ACSBG1: variants seen among roughly 807,000 people sequenced by gnomAD.
ACSBG1 encodes long-chain-fatty-acid--CoA ligase ACSBG1.
A neutral mutation model predicts 80.2 loss-of-function variants in ACSBG1; 39 were observed. The observed-to-expected ratio is 0.49, with a 90% CI of 0.38 to 0.64. The LOEUF (loss-of-function observed/expected upper bound fraction) is 0.64. Among genes scored for constraint, ACSBG1 ranks in the 30% least tolerant of loss-of-function variants. The pLI, the probability that ACSBG1 is intolerant of heterozygous loss-of-function variation, is 0.00. For synonymous variants in ACSBG1, 392 were observed against 379.5 expected (o/e 1.03, Z -0.38); for missense variants, 828 against 966.4 (o/e 0.86, Z 1.90).
intron 1 of ACSBG1, among the ~76,000 whole-genome samples, chr15:78,215,703 G>T (rs1008324094): frequency 1.9e-5 from 2 of 103,888 alleles, no homozygotes; most frequent in African/African-American, 4.0e-5. Flanking sequence ...AGAAAAAGAA[G>T]GAAAGAGAGA....
chr15:78,230,571 AC>A (rs2141395308), intron 1 of ACSBG1, among the ~76,000 whole-genome samples: 1 of 152,312 alleles, frequency 6.6e-6, no homozygotes, highest in Non-Finnish European at 1.5e-5. Context: ...CTGTGTCCCC[AC>A]CCAAATCTCA....
intron 1 of ACSBG1, among the ~76,000 whole-genome samples, chr15:78,230,239 C>T (rs1038889702): frequency 5.3e-5 from 8 of 152,204 alleles, no homozygotes; most frequent in Admixed American, 3.3e-4. Flanking sequence ...TCAGACCCCA[C>T]GGGTTTTGCC....
chr15:78,184,622 C>T (rs916964488), intron 5 of ACSBG1, among the ~76,000 whole-genome samples: 4 of 152,170 alleles, frequency 2.6e-5, no homozygotes, highest in Non-Finnish European at 5.9e-5. Flanking sequence ...GCTAAAACCT[C>T]ACAATATAAC....
chr15:78,234,409 G>A lies in ACSBG1; in HGVS notation c.93C>T (p.Asp31=). 1 of 1,612,910 alleles carries A rather than the reference G, an allele frequency of 6.2e-7. No individual in the cohort carries two copies. Among genetic ancestry groups the A allele is most frequent in the Non-Finnish European group, 8.5e-7 (1 of 1,180,034 alleles). The change falls in exon 1 of 14, where the codon GAC becomes GAT. Residue 31 remains aspartate, a synonymous_variant. Transcript: ENST00000258873. ...TTTCTTGGGTGGTCCTCACAATCAT[G>A]TCCTGCCGGCTCTCCTGTGGGGTCT... The part of the protein sequence containing the change: ...SRETPQESRQ[D]MIVRTTQEKL...
intron 1 of ACSBG1, among the ~76,000 whole-genome samples, chr15:78,216,476 G>A (rs572999746): frequency 2.0e-5 from 3 of 152,344 alleles, no homozygotes; most frequent in East Asian, 3.9e-4. Flanking sequence ...GGCATGGACT[G>A]TGGACCATCC....
intron 1 of ACSBG1, among the ~76,000 whole-genome samples, chr15:78,222,950 C>T (rs1381522788): frequency 1.3e-5 from 2 of 152,176 alleles, no homozygotes; most frequent in African/African-American, 4.8e-5. Context: ...GCTGAGGTGG[C>T]TTGAAATCTT....
At chr15:78,181,872 G>A in intron 8 of ACSBG1, 97 bp downstream of exon 8, 1 of 1,450,452 alleles carries the variant, frequency 6.9e-7, no homozygotes. Context: ...ACATGCACAG[G>A]AACAGCACAC....
At chr15:78,192,827 C>A (rs2075068221) in intron 5 of ACSBG1, among the ~76,000 whole-genome samples, 1 of 152,152 alleles carries the variant, frequency 6.6e-6, no homozygotes, top group Admixed American at 6.5e-5. Context: ...ACAAGTCAGT[C>A]TCTGAGGACT....
intron 5 of ACSBG1, among the ~76,000 whole-genome samples, chr15:78,189,703 AG>A: frequency 6.6e-6 from 1 of 152,076 alleles, no homozygotes; most frequent in African/African-American, 2.4e-5. Flanking sequence ...GGATAGCTTT[AG>A]GAGATAGACC....
At position 78,186,586 on chromosome 15, in the gene ACSBG1, C is replaced by T. The variant is rs1293126182; in HGVS notation, c.664-3801G>A. On this transcript the variant is annotated intron_variant, in intron 5 of 13. Coordinates refer to ENST00000258873, the MANE Select transcript of ACSBG1 (RefSeq NM_015162.5). ...TCCTGAATGACTACTGGGTACATAA[C>T]GAAACAAAGGCAGAAATAAAGATGT... Among the ~76,000 whole-genome samples, 18 of 152,184 alleles carry T rather than the reference C, an allele frequency of 1.2e-4. No individual in the cohort carries two copies. In the East Asian group the frequency reaches 1.5e-3, roughly 13 times the overall value.
At position 78,168,802 on chromosome 15, in the gene ACSBG1, C is replaced by T. The variant is rs1405664531; in HGVS notation, c.*2642G>A. The T allele has an allele frequency of 1.5e-6, 1 of 658,096 alleles. No homozygotes were observed. Among genetic ancestry groups the T allele is most frequent in the Admixed American group, 2.3e-5 (1 of 44,220 alleles). 40.8% of individuals were successfully genotyped at this position (658,096 alleles called of 1,614,324 possible). Reference sequence around the variant, plus strand: ...TGGTTCCTCACTTTGAAATGAGGAACTAAATGAAAGAGCAGCCGAGTAACT... The same window carrying T: ...TGGTTCCTCACTTTGAAATGAGGAATTAAATGAAAGAGCAGCCGAGTAACT... On this transcript the variant is annotated 3_prime_UTR_variant, in exon 14 of 14. Transcript: ENST00000258873.
chr15:78,173,726 CT>C lies in ACSBG1; in HGVS notation c.1955del (p.Lys652ArgfsTer19). 6.2e-7 allele frequency: 1 copy of C among 1,614,226 alleles called. No individual in the cohort carries two copies. Among genetic ancestry groups the C allele is most frequent in the Non-Finnish European group, 8.5e-7 (1 of 1,180,044 alleles). On this transcript the variant is annotated frameshift_variant, in exon 13 of 14. Transcript: ENST00000258873. LOFTEE classifies it high-confidence loss of function. ...RATTVSEIIE[K>X]KDEAVYQAIE... is the part of the protein sequence containing the mutation. ...TGGCCTGGTACACGGCCTCATCCTT[CT>C]TCTCTATGATCTCGGACACTGTGGT...
intron 5 of ACSBG1, among the ~76,000 whole-genome samples, chr15:78,191,222 C>T (rs2075054268): frequency 6.6e-6 from 1 of 152,144 alleles, no homozygotes; most frequent in South Asian, 2.1e-4. Context: ...ATAATCTAAA[C>T]ACGTATATGC....
In ACSBG1 at chr15:78,234,519, T is replaced by C; in HGVS notation, c.-18A>G. 2 of 1,607,208 alleles carry C rather than the reference T, an allele frequency of 1.2e-6. No homozygotes were observed. Among genetic ancestry groups the C allele is most frequent in the South Asian group, 2.2e-5 (2 of 91,012 alleles). On this transcript the variant is annotated 5_prime_UTR_variant, in exon 1 of 14. Coordinates refer to ENST00000258873, the MANE Select transcript of ACSBG1 (RefSeq NM_015162.5). ...CGTGGCATCTGCCTCGGGCTTCCACTGAAGACAGCTCAGTCACCCACTGAG... is the reference window on the plus strand; with the variant it reads ...CGTGGCATCTGCCTCGGGCTTCCACCGAAGACAGCTCAGTCACCCACTGAG...
intron 1 of ACSBG1, among the ~76,000 whole-genome samples, chr15:78,214,888 A>G (rs1240418127): frequency 6.6e-6 from 1 of 152,182 alleles, no homozygotes; most frequent in Non-Finnish European, 1.5e-5. Flanking sequence ...CTTAACTTCA[A>G]AAGAATTCTA....
chr15:78,180,725 C>T (rs755221046), intron 9 of ACSBG1, 30 bp downstream of exon 9: 84 of 1,605,176 alleles, frequency 5.2e-5, no homozygotes, highest in Non-Finnish European at 6.7e-5. Context: ...CACTCTCTCC[C>T]CAGGCCTCCC....
At chr15:78,175,490 C>T (rs1267911111) in intron 11 of ACSBG1, among the ~76,000 whole-genome samples, 3 of 152,194 alleles carry the variant, frequency 2.0e-5, no homozygotes, top group African/African-American at 4.8e-5. Flanking sequence ...CAGGGAGGCA[C>T]CAGGCCCAGC....
intron 2 of ACSBG1, among the ~76,000 whole-genome samples, chr15:78,197,632 T>C (rs977440836): frequency 6.7e-6 from 1 of 149,888 alleles, no homozygotes; most frequent in Non-Finnish European, 1.5e-5. Context: ...GGCATGAGAA[T>C]TGCTTGAACC....
At chr15:78,230,852 T>C (rs954517947) in intron 1 of ACSBG1, among the ~76,000 whole-genome samples, 1 of 152,240 alleles carries the variant, frequency 6.6e-6, no homozygotes, top group African/African-American at 2.4e-5. Context: ...GTCTCAGGTA[T>C]GTCTTTATCA....
Sources: allele counts gnomAD v4.1 joint callset (sites outside exome capture counted in the v4.1 genomes callset), GRCh38; gene constraint gnomAD v4.1.1; transcripts MANE v1.5; gene names NCBI Gene and HGNC (gene_info 2026-07-23, HGNC 2026-07-21).